MAGI2: variants seen among roughly 807,000 people sequenced by gnomAD.
MAGI2 encodes membrane-associated guanylate kinase, WW and PDZ domain-containing protein 2.
MAGI2 carries 35 observed loss-of-function variants against 133.3 expected under a neutral mutation model. The ratio of observed to expected loss-of-function variants is 0.26; its 90% CI spans 0.20 to 0.35. The LOEUF (loss-of-function observed/expected upper bound fraction) is 0.35, where lower values mean the gene tolerates loss of function less well. MAGI2 is among the 10% of genes least tolerant of loss of function. MAGI2 has a pLI of 1.00. For missense variants in MAGI2, 1,636 were observed against 1,863.4 expected (o/e 0.88, Z 2.25); for synonymous variants, 729 against 710.6 (o/e 1.03, Z -0.41).
chr7:78,020,093 C>T lies in MAGI2; in HGVS notation c.3707-117G>A, dbSNP rs1232993392. 3.2e-5 allele frequency: 29 copies of T among 912,712 alleles called. 1 individual carries two copies. Among genetic ancestry groups the T allele is most frequent in the South Asian group, 7.5e-5 (4 of 53,616 alleles). The allele number at this position is 912,712 out of a possible 1,614,324, so 56.5% of individuals were successfully genotyped here. A position where few individuals can be genotyped will look rare whatever the true frequency, so the allele number is the denominator to read the frequency against. ...GATTGCTCTCAGGGGCCGGAGCCAC[C>T]GCCGCCCCCACCCCCACCCCCACCC... On this transcript the variant is annotated intron_variant, in intron 21 of 21. Coordinates refer to ENST00000354212, the MANE Select transcript of MAGI2 (RefSeq NM_012301.4).
chr7:78,738,757 T>A (rs1306476807), intron 2 of MAGI2, among the ~76,000 whole-genome samples: 1 of 152,212 alleles, frequency 6.6e-6, no homozygotes, highest in African/African-American at 2.4e-5. Context: ...ATGTCTCATA[T>A]GGCTTACAAA....
intron 2 of MAGI2, among the ~76,000 whole-genome samples, chr7:78,707,250 A>G (rs910843465): frequency 6.6e-6 from 1 of 152,256 alleles, no homozygotes; most frequent in African/African-American, 2.4e-5. Context: ...AAAAATGAAG[A>G]AAGGATGATG....
intron 2 of MAGI2, among the ~76,000 whole-genome samples, chr7:78,990,905 T>TGTACATACACAC (rs1554323758): frequency 2.8e-5 from 4 of 141,394 alleles, no homozygotes; most frequent in Non-Finnish European, 4.6e-5. Context: ...TATATGTACA[T>TGTACATACACAC]ACACACACAC....
At chr7:78,817,964 T>A (rs1458161692) in intron 2 of MAGI2, among the ~76,000 whole-genome samples, 1 of 152,100 alleles carries the variant, frequency 6.6e-6, no homozygotes, top group Non-Finnish European at 1.5e-5. Context: ...ACCAAAAAAA[T>A]TGTGTGACTC....
intron 2 of MAGI2, among the ~76,000 whole-genome samples, chr7:78,849,208 C>T (rs1199763257): frequency 2.0e-5 from 3 of 152,024 alleles, no homozygotes; most frequent in Non-Finnish European, 4.4e-5. Flanking sequence ...TAGACGCTTA[C>T]TGGCTAGCTG....
chr7:78,269,505 G>A (rs1794353030), intron 9 of MAGI2, among the ~76,000 whole-genome samples: 1 of 151,944 alleles, frequency 6.6e-6, no homozygotes, highest in African/African-American at 2.4e-5. Context: ...ATCTCATGGT[G>A]GTTTTGATTT....
intron 1 of MAGI2, among the ~76,000 whole-genome samples, chr7:79,432,438 G>A (rs1322931694): frequency 6.6e-6 from 1 of 152,196 alleles, no homozygotes; most frequent in East Asian, 1.9e-4. Flanking sequence ...ATGAGCCTGA[G>A]GAATGTTCAT....
rs1370108343 is a variant in MAGI2, at chr7:79,156,804, T to C, written c.302-149598A>G. ...GCTCAGAATAAATATCTTCAAATAT[T>C]TTACAGAGTTTGATTATTTTCATTG... On this transcript the variant is annotated intron_variant, in intron 1 of 21. Transcript: ENST00000354212. Among the ~76,000 whole-genome samples the C allele has an allele frequency of 3.3e-5, 5 of 152,196 alleles. No homozygotes were observed. The South Asian group carries it at 6.2e-4, about 19-fold the overall frequency.
Position 79,453,068 on chromosome 7 carries a change from C to G in MAGI2, c.253G>C (p.Val85Leu). 2.5e-6 allele frequency: 4 copies of G among 1,612,020 alleles called. No individual in the cohort carries two copies. The highest frequency in any genetic ancestry group is 2.7e-5 in the African/African-American group (2 of 75,060). The change falls in exon 1 of 22, where the codon GTG becomes CTG. Residue 85 changes from valine (V) to leucine (L), a missense_variant. Transcript: ENST00000354212. ...AGLTIRDVLAVIKHCKDPLRL... is the reference protein window; with the variant it reads ...AGLTIRDVLALIKHCKDPLRL... The stretch of plus-strand genomic sequence containing the variant: ...AGGGGGTCCTTGCAGTGTTTGATCA[C>G]GGCCAGCACGTCCCTGATGGTGAGC...
At chr7:78,691,707 A>G (rs1051835678) in intron 2 of MAGI2, among the ~76,000 whole-genome samples, 1 of 152,184 alleles carries the variant, frequency 6.6e-6, no homozygotes, top group East Asian at 1.9e-4. Context: ...AGGCAAAACT[A>G]TGGAGACAGT....
chr7:78,864,128 T>C (rs181405466), intron 2 of MAGI2, among the ~76,000 whole-genome samples: 53 of 152,332 alleles, frequency 3.5e-4, no homozygotes, highest in African/African-American at 1.3e-3. Flanking sequence ...GTTCTGTAAA[T>C]ATGATATTGC....
At chr7:78,883,813 T>C (rs1414504699) in intron 2 of MAGI2, among the ~76,000 whole-genome samples, 1 of 152,142 alleles carries the variant, frequency 6.6e-6, no homozygotes, top group Non-Finnish European at 1.5e-5. Context: ...GGCAGAAGAA[T>C]AAAACTGGAC....
chr7:79,048,077 T>C (rs1812342529), intron 1 of MAGI2, among the ~76,000 whole-genome samples: 1 of 152,186 alleles, frequency 6.6e-6, no homozygotes, highest in African/African-American at 2.4e-5. Context: ...TTTTAAAGGG[T>C]AGAATACATG....
At chr7:79,073,949 T>C (rs1815228682) in intron 1 of MAGI2, among the ~76,000 whole-genome samples, 1 of 152,120 alleles carries the variant, frequency 6.6e-6, no homozygotes. Flanking sequence ...AAATGCCACT[T>C]CTTTCAGAGA....
At chr7:78,403,726 T>G (rs889180473) in intron 6 of MAGI2, among the ~76,000 whole-genome samples, 3 of 152,210 alleles carry the variant, frequency 2.0e-5, no homozygotes, top group Non-Finnish European at 2.9e-5. Flanking sequence ...ATTGTGGTTT[T>G]GATTTGCATT....
intron 20 of MAGI2, among the ~76,000 whole-genome samples, chr7:78,100,989 G>A (rs1818165073): frequency 6.7e-6 from 1 of 149,958 alleles, no homozygotes; most frequent in South Asian, 2.1e-4. Context: ...AAAAAAAAAA[G>A]TAACCAAGGA....
chr7:79,223,212 G>A (rs1021929334), intron 1 of MAGI2, among the ~76,000 whole-genome samples: 1 of 152,010 alleles, frequency 6.6e-6, no homozygotes, highest in Non-Finnish European at 1.5e-5. Flanking sequence ...ATTAAAAACA[G>A]ACGAAGGCAA....
At chr7:79,435,587 C>T (rs887236218) in intron 1 of MAGI2, among the ~76,000 whole-genome samples, 2 of 149,524 alleles carry the variant, frequency 1.3e-5, no homozygotes, top group African/African-American at 5.0e-5. Flanking sequence ...CTCTACTTTT[C>T]ATTTCTGGGA....
chr7:78,100,601 C>T (rs1440313644), intron 20 of MAGI2, among the ~76,000 whole-genome samples: 2 of 152,044 alleles, frequency 1.3e-5, no homozygotes, highest in East Asian at 3.9e-4. Context: ...GTCCTTGTAC[C>T]TCCGCCTCCC....
Sources: allele counts gnomAD v4.1 joint callset (sites outside exome capture counted in the v4.1 genomes callset), GRCh38; gene constraint gnomAD v4.1.1; transcripts MANE v1.5; gene names NCBI Gene and HGNC (gene_info 2026-07-23, HGNC 2026-07-21).